The following ATP23 variants were observed in gnomAD, a reference collection of about 807,000 sequenced individuals.
ATP23 encodes mitochondrial inner membrane protease ATP23 homolog.
A neutral mutation model predicts 28.5 loss-of-function variants in ATP23; 24 were observed. The observed-to-expected ratio is 0.84, with a 90% CI of 0.61 to 1.18. The LOEUF (loss-of-function observed/expected upper bound fraction) is 1.18, where lower values mean the gene tolerates loss of function less well. ATP23 is among the 50% of genes most tolerant of loss of function. The probability of loss-of-function intolerance (pLI) is 0.00; values close to 1 mark genes in which losing one functional copy is unlikely to be tolerated. For synonymous variants in ATP23, 99 were observed against 108.6 expected (o/e 0.91, Z 0.55); for missense variants, 274 against 306.4 (o/e 0.89, Z 0.79).
intron 5 of ATP23, among the ~76,000 whole-genome samples, chr12:57,955,813 A>G (rs17120058): frequency 0.14 from 21,259 of 152,160 alleles, 2,711 homozygotes; most frequent in African/African-American, 0.34. Context: ...ATGTTAGTGA[A>G]TATCTCCAGC....
Position 57,958,880 on chromosome 12 carries a change from A to G in ATP23, c.*1990A>G, listed in dbSNP as rs1265421772. 6.6e-6 allele frequency among the ~76,000 whole-genome samples: 1 copy of G among 152,212 alleles called. No individual in the cohort carries two copies. The highest frequency in any genetic ancestry group is 2.4e-5 in the African/African-American group (1 of 41,456). On this transcript the variant is annotated 3_prime_UTR_variant, in exon 6 of 6. Transcript: ENST00000300145. The stretch of plus-strand genomic sequence containing the variant: ...AGTTCACCAGCAATGGATTCAAACC[A>G]AGAAGAAATCCCTGATTTACCTGAA...
intron 3 of ATP23, among the ~76,000 whole-genome samples, chr12:57,949,072 A>T (rs558270599): frequency 6.6e-6 from 1 of 152,164 alleles, no homozygotes; most frequent in Non-Finnish European, 1.5e-5. Context: ...TTACTCTAAT[A>T]TTGATTGTTT....
intron 3 of ATP23, 95 bp from the exon 4 acceptor site, chr12:57,951,663 T>C: frequency 8.7e-6 from 12 of 1,374,282 alleles, no homozygotes; most frequent in Non-Finnish European, 1.1e-5. Context: ...CAGGTGAGCT[T>C]GTGGGGGAGA....
At chr12:57,946,457 T>G (rs1327622297) in intron 2 of ATP23, among the ~76,000 whole-genome samples, 2 of 151,228 alleles carry the variant, frequency 1.3e-5, no homozygotes, top group African/African-American at 4.9e-5. Context: ...TTTTTTTTTT[T>G]TTTTTTTTTT....
intron 1 of ATP23, 26 bp from the exon 2 acceptor site, chr12:57,945,598 ATTAC>A (rs775575914): frequency 1.9e-6 from 3 of 1,588,188 alleles, no homozygotes; most frequent in East Asian, 2.2e-5. Context: ...TACTTTTCCA[ATTAC>A]TTAATTAAAT....
At chr12:57,956,440 T>C (rs1459573512) in intron 5 of ATP23, among the ~76,000 whole-genome samples, 1 of 151,982 alleles carries the variant, frequency 6.6e-6, no homozygotes, top group Non-Finnish European at 1.5e-5. Context: ...CATCTGCTTA[T>C]ATCAGTGGGA....
chr12:57,943,769 AG>A (rs1374551905), intron 1 of ATP23, among the ~76,000 whole-genome samples: 1 of 152,150 alleles, frequency 6.6e-6, no homozygotes, highest in African/African-American at 2.4e-5. Context: ...TTACAGTGGA[AG>A]GGCCACACAG....
Position 57,957,411 on chromosome 12 carries a change from G to C in ATP23, c.*521G>C, listed in dbSNP as rs1433181719. The C allele has an allele frequency of 6.6e-6, 1 of 152,640 alleles. No homozygotes were observed. The highest frequency in any genetic ancestry group is 2.4e-5 in the African/African-American group (1 of 41,430). 9.5% of individuals were successfully genotyped at this position (152,640 alleles called of 1,614,324 possible). On this transcript the variant is annotated 3_prime_UTR_variant, in exon 6 of 6. Coordinates refer to ENST00000300145, the MANE Select transcript of ATP23 (RefSeq NM_033276.4). ...GGCCTAATTTTCTGGGGACAGTCCT[G>C]GTTAGATCTTTTTCTTTTTAATAAA... is the stretch of plus-strand genomic sequence containing the variant.
chr12:57,947,639 A>G (rs1416530850), intron 3 of ATP23, among the ~76,000 whole-genome samples: 2 of 152,132 alleles, frequency 1.3e-5, no homozygotes, highest in Non-Finnish European at 1.5e-5. Context: ...AAAATTTTTT[A>G]TTAGGGGAGT....
chr12:57,946,905 A>G (rs1288115411), intron 2 of ATP23, 90 bp from the exon 3 acceptor site: 2 of 1,020,908 alleles, frequency 2.0e-6, no homozygotes, highest in African/African-American at 3.3e-5. Flanking sequence ...GGGATTTACT[A>G]TATGGTGGAG....
Position 57,956,685 on chromosome 12 carries a change from A to G in ATP23, c.538-2A>G. The G allele has an allele frequency of 6.3e-7, 1 of 1,588,868 alleles. No individual in the cohort carries two copies. The highest frequency in any genetic ancestry group is 8.6e-7 in the Non-Finnish European group (1 of 1,169,224). ...GAGCCTCATACTTTTCCTTCTTTTT[A>G]GACTTGTGTGCGAGACAGAGCCACT... is the stretch of plus-strand genomic sequence containing the variant. On this transcript the variant is annotated splice_acceptor_variant, in intron 5 of 5. Transcript: ENST00000300145. LOFTEE classifies it high-confidence loss of function.
chr12:57,953,928 G>T (rs1362728839), intron 5 of ATP23, among the ~76,000 whole-genome samples: 1 of 152,034 alleles, frequency 6.6e-6, no homozygotes, highest in African/African-American at 2.4e-5. Flanking sequence ...GGCCTGGTGC[G>T]GTGGCTTATG....
At chr12:57,951,704 C>A in intron 3 of ATP23, 54 bp from the exon 4 acceptor site, 4 of 1,598,492 alleles carry the variant, frequency 2.5e-6, no homozygotes, top group Non-Finnish European at 3.4e-6. Flanking sequence ...AAGATCGAGT[C>A]TATGGAAGGA....
intron 5 of ATP23, among the ~76,000 whole-genome samples, chr12:57,955,469 G>A (rs903058928): frequency 1.3e-5 from 2 of 152,106 alleles, no homozygotes; most frequent in African/African-American, 4.8e-5. Context: ...TTAGAGAATG[G>A]AGTCCCTGCT....
In ATP23 at chr12:57,951,747, G is replaced by A. The variant is rs766402591; in HGVS notation, c.316-11G>A. ...GAATCACTGAACTTCTTTTATTTTG[G>A]TGTCTCCTAGATAGTTTTGTGCCAG... On this transcript the variant is annotated splice_polypyrimidine_tract_variant and intron_variant, in intron 3 of 5. Transcript: ENST00000300145. 2.1e-5 allele frequency: 34 copies of A among 1,610,224 alleles called. No homozygotes were observed. The Admixed American group carries it at 3.7e-4, about 17-fold the overall frequency.
chr12:57,947,080 G>A lies in ATP23; in HGVS notation c.315+4G>A. The A allele has an allele frequency of 1.2e-6, 2 of 1,613,386 alleles. No homozygotes were observed. The highest frequency in any genetic ancestry group is 1.7e-6 in the Non-Finnish European group (2 of 1,179,636). ...TTTTGATGCTTCAACATCTCAGGTA[G>A]GCATTATTGCCAAATTGTTTCCTTC... On this transcript the variant is annotated splice_donor_region_variant and intron_variant, in intron 3 of 5. Coordinates refer to ENST00000300145, the MANE Select transcript of ATP23 (RefSeq NM_033276.4).
In ATP23 at chr12:57,958,649, T is replaced by A. The variant is rs1565879903; in HGVS notation, c.*1759T>A. ...AGAAGAGAGACAACAATCACAGCAG[T>A]TTGGCTTACAGGAAGCCACATCCAT... On this transcript the variant is annotated 3_prime_UTR_variant, in exon 6 of 6. Coordinates refer to ENST00000300145, the MANE Select transcript of ATP23 (RefSeq NM_033276.4). 6.6e-6 allele frequency among the ~76,000 whole-genome samples: 1 copy of A among 152,174 alleles called. No individual in the cohort carries two copies. Among genetic ancestry groups the A allele is most frequent in the Non-Finnish European group, 1.5e-5 (1 of 68,024 alleles).
At chr12:57,949,112 A>G (rs963599332) in intron 3 of ATP23, among the ~76,000 whole-genome samples, 4 of 152,188 alleles carry the variant, frequency 2.6e-5, no homozygotes, top group Non-Finnish European at 5.9e-5. Context: ...CAATGCTGCT[A>G]TGAATATTTT....
At chr12:57,954,826 T>C (rs1006029935) in intron 5 of ATP23, among the ~76,000 whole-genome samples, 2 of 151,304 alleles carry the variant, frequency 1.3e-5, no homozygotes, top group South Asian at 2.1e-4. Context: ...AACTCTGGAG[T>C]GGGGGGTGGA....
Sources: gnomAD v4.1 joint callset for allele counts (sites outside exome capture counted in the v4.1 genomes callset) on GRCh38, gnomAD v4.1.1 for gene constraint, MANE v1.5 for transcripts, NCBI Gene and HGNC (gene_info 2026-07-23, HGNC 2026-07-21) for gene names.